The following PTPRD variants were observed in gnomAD, a reference collection of about 807,000 sequenced individuals.
PTPRD encodes receptor-type tyrosine-protein phosphatase delta.
PTPRD carries 34 observed loss-of-function variants against 214.5 expected under a neutral mutation model. The observed-to-expected ratio is 0.16, with a 90% CI of 0.12 to 0.21. The LOEUF is 0.21. PTPRD is among the 10% of genes least tolerant of loss of function. PTPRD has a pLI of 1.00. For synonymous variants in PTPRD, 1,128 were observed against 845.7 expected (o/e 1.33, Z -5.79); for missense variants, 2,545 against 2,398.7 (o/e 1.06, Z -1.27).
intron 8 of PTPRD, among the ~76,000 whole-genome samples, chr9:9,431,854 G>A (rs1379708359): frequency 7.4e-6 from 1 of 135,888 alleles, no homozygotes; most frequent in African/African-American, 2.8e-5. Context: ...ACTGAAAAAT[G>A]AGAACACTTG....
chr9:8,437,604 C>T (rs559305770), intron 34 of PTPRD, among the ~76,000 whole-genome samples: 1 of 152,222 alleles, frequency 6.6e-6, no homozygotes, highest in African/African-American at 2.4e-5. Context: ...TTATAAATGG[C>T]CACACTAACA....
At chr9:9,217,493 A>G (rs2099953081) in intron 9 of PTPRD, among the ~76,000 whole-genome samples, 1 of 152,058 alleles carries the variant, frequency 6.6e-6, no homozygotes, top group South Asian at 2.1e-4. Context: ...TGACACAGCA[A>G]TTACCTTAGC....
At chr9:9,639,765 T>C (rs2095877120) in intron 7 of PTPRD, among the ~76,000 whole-genome samples, 1 of 152,226 alleles carries the variant, frequency 6.6e-6, no homozygotes, top group South Asian at 2.1e-4. Context: ...TCATGTGTTT[T>C]CAAGTATTAT....
At chr9:8,566,623 G>A (rs1414946181) in intron 14 of PTPRD, among the ~76,000 whole-genome samples, 4 of 152,238 alleles carry the variant, frequency 2.6e-5, no homozygotes, top group Middle Eastern at 3.4e-3. Context: ...AGCTTCTTGA[G>A]GGCAGGATTA....
intron 8 of PTPRD, among the ~76,000 whole-genome samples, chr9:9,452,978 G>A (rs757191622): frequency 4.7e-5 from 7 of 149,110 alleles, no homozygotes; most frequent in Non-Finnish European, 1.0e-4. Flanking sequence ...TGATTTTTCT[G>A]TATACTTAAA....
chr9:9,044,192 C>T (rs1590385934), intron 10 of PTPRD, among the ~76,000 whole-genome samples: 1 of 152,174 alleles, frequency 6.6e-6, no homozygotes, highest in South Asian at 2.1e-4. Context: ...AAAATTTAGA[C>T]TTGCATTGCT....
At chr9:9,435,177 C>G (rs1181189039) in intron 8 of PTPRD, among the ~76,000 whole-genome samples, 2 of 151,976 alleles carry the variant, frequency 1.3e-5, no homozygotes, top group Non-Finnish European at 2.9e-5. Flanking sequence ...CACCCCCAAA[C>G]AAGAATTGCT....
intron 3 of PTPRD, among the ~76,000 whole-genome samples, chr9:10,041,235 A>G (rs2097291794): frequency 6.6e-6 from 1 of 151,952 alleles, no homozygotes; most frequent in South Asian, 2.1e-4. Context: ...AGACATGTGT[A>G]GTTGTATATT....
intron 2 of PTPRD, among the ~76,000 whole-genome samples, chr9:10,557,074 A>G (rs1328007670): frequency 2.0e-5 from 3 of 152,128 alleles, no homozygotes; most frequent in African/African-American, 4.8e-5. Flanking sequence ...TCAAGCACAT[A>G]ATTGAAATTA....
rs16926149 is a variant in PTPRD at position 10,597,565 on chromosome 9, T to C, written c.-600+14833A>G. Among the ~76,000 whole-genome samples, 1,120 of 151,904 alleles carry C rather than the reference T, an allele frequency of 7.4e-3. 9 individuals are homozygous for C. Among genetic ancestry groups the C allele is most frequent in the African/African-American group, 0.026 (1,086 of 41,508 alleles). ...AAATAATGCATGACTTGAAACTTTG[T>C]TAAGGAGTTAAAACAGCTCATTTAG... On this transcript the variant is annotated intron_variant, in intron 2 of 45. Coordinates refer to ENST00000381196, the MANE Select transcript of PTPRD (RefSeq NM_002839.4).
At chr9:9,837,245 G>T (rs1315667623) in intron 5 of PTPRD, among the ~76,000 whole-genome samples, 1 of 152,046 alleles carries the variant, frequency 6.6e-6, no homozygotes, top group Non-Finnish European at 1.5e-5. Flanking sequence ...GCATCATCCA[G>T]GAATACCGTA....
chr9:8,500,209 TTG>T (rs1343477267), intron 24 of PTPRD, among the ~76,000 whole-genome samples: 11 of 151,924 alleles, frequency 7.2e-5, no homozygotes, highest in Admixed American at 7.2e-4. Context: ...CTGTTGATTG[TTG>T]TGTGTTTTTT....
intron 9 of PTPRD, among the ~76,000 whole-genome samples, chr9:9,243,484 A>T (rs7466250): frequency 0.25 from 37,424 of 152,152 alleles, 5,303 homozygotes; most frequent in Middle Eastern, 0.34. Flanking sequence ...GGCTGGTTCA[A>T]CATATGCAAA....
intron 35 of PTPRD, among the ~76,000 whole-genome samples, chr9:8,421,081 T>C (rs1379159530): frequency 1.3e-5 from 2 of 152,164 alleles, no homozygotes; most frequent in Non-Finnish European, 2.9e-5. Context: ...AGACTTCTGC[T>C]GCAGCACAGT....
intron 2 of PTPRD, among the ~76,000 whole-genome samples, chr9:10,546,096 T>C (rs959914916): frequency 3.9e-5 from 6 of 152,258 alleles, no homozygotes; most frequent in South Asian, 2.1e-4. Context: ...CCAGTAATTA[T>C]AAATATCCCT....
chr9:8,648,778 T>G (rs2096746730), intron 12 of PTPRD, among the ~76,000 whole-genome samples: 1 of 152,188 alleles, frequency 6.6e-6, no homozygotes, highest in Admixed American at 6.5e-5. Flanking sequence ...GGTAACATAC[T>G]CAGGAAGCCA....
chr9:10,163,602 T>TAC (rs999925029), intron 3 of PTPRD, among the ~76,000 whole-genome samples: 1 of 151,462 alleles, frequency 6.6e-6, no homozygotes, highest in Non-Finnish European at 1.5e-5. Flanking sequence ...TTTCTATATA[T>TAC]AGATCAAAGA....
intron 14 of PTPRD, among the ~76,000 whole-genome samples, chr9:8,565,157 T>C (rs904460732): frequency 2.6e-4 from 40 of 152,226 alleles, no homozygotes; most frequent in African/African-American, 9.2e-4. Context: ...CGCAGTGGTT[T>C]TGAGTATAAG....
At chr9:10,438,651 A>G (rs1307980362) in intron 2 of PTPRD, among the ~76,000 whole-genome samples, 1 of 151,720 alleles carries the variant, frequency 6.6e-6, no homozygotes, top group Non-Finnish European at 1.5e-5. Context: ...CTATTTCAGC[A>G]GTATATGTGG....
Sources: gnomAD v4.1 joint callset for allele counts (sites outside exome capture counted in the v4.1 genomes callset) on GRCh38, gnomAD v4.1.1 for gene constraint, MANE v1.5 for transcripts, NCBI Gene and HGNC (gene_info 2026-07-23, HGNC 2026-07-21) for gene names.